Variants in NDUFAF5 observed in about 807,000 individuals in gnomAD.
NDUFAF5 encodes the protein NADH:ubiquinone oxidoreductase complex assembly factor 5, also known as arginine-hydroxylase NDUFAF5, mitochondrial.
A neutral mutation model predicts 48.9 loss-of-function variants in NDUFAF5; 34 were observed. That is an observed-to-expected ratio of 0.70 (90% confidence interval 0.53 to 0.93). The LOEUF is 0.93. Among genes scored for constraint, NDUFAF5 ranks in the 40% least tolerant of loss-of-function variants. The probability of loss-of-function intolerance (pLI) is 0.00; values close to 1 mark genes in which losing one functional copy is unlikely to be tolerated. For missense variants in NDUFAF5, 428 were observed against 427.5 expected (o/e 1.00, Z -0.01); for synonymous variants, 153 against 150.6 (o/e 1.02, Z -0.12).
At chr20:13,793,061 CAGA>C (rs1156353276) in intron 3 of NDUFAF5, 116 bp from the exon 4 acceptor site, 1 of 1,070,254 alleles carries the variant, frequency 9.3e-7, no homozygotes, top group African/African-American at 1.6e-5. Context: ...TGGTTTTATG[CAGA>C]AATATACCTT....
intron 3 of NDUFAF5, among the ~76,000 whole-genome samples, chr20:13,791,219 C>A (rs1982227127): frequency 6.6e-6 from 1 of 152,130 alleles, no homozygotes; most frequent in Non-Finnish European, 1.5e-5. Flanking sequence ...AAATGTGGAA[C>A]TGGAATTGGG....
chr20:13,805,117 G>A (rs142427060), intron 7 of NDUFAF5, among the ~76,000 whole-genome samples: 100 of 152,192 alleles, frequency 6.6e-4, no homozygotes, highest in African/African-American at 2.1e-3. Flanking sequence ...AAGAATCTCC[G>A]GGAATGTAAA....
rs748025940 is a variant in NDUFAF5, at chr20:13,785,294, A to T, written c.222+4A>T. 13 of 1,458,424 alleles carry T rather than the reference A, an allele frequency of 8.9e-6. No individual in the cohort carries two copies. The Admixed American group carries it at 2.3e-4, about 25-fold the overall frequency. The allele number at this position is 1,458,424 out of a possible 1,614,324, so 90.3% of individuals were successfully genotyped here. A position where few individuals can be genotyped will look rare whatever the true frequency, so the allele number is the denominator to read the frequency against. On this transcript the variant is annotated splice_donor_region_variant and intron_variant, in intron 1 of 10. Coordinates refer to ENST00000378106, the MANE Select transcript of NDUFAF5 (RefSeq NM_024120.5). ...ATTTGACTACCTGAAGGAGGAGGTG[A>T]GCCCGCGGGGCGGCGGGGCGGCGGG...
chr20:13,803,868 C>T (rs1271808683), intron 7 of NDUFAF5, among the ~76,000 whole-genome samples: 1 of 152,088 alleles, frequency 6.6e-6, no homozygotes, highest in Non-Finnish European at 1.5e-5. Context: ...CCACCACAAT[C>T]TCTCCCTCCC....
At chr20:13,812,522 T>A (rs1287208267) in intron 8 of NDUFAF5, among the ~76,000 whole-genome samples, 1 of 152,204 alleles carries the variant, frequency 6.6e-6, no homozygotes, top group Non-Finnish European at 1.5e-5. Context: ...GTGTTCATGA[T>A]TCATTTCAAG....
At chr20:13,795,016 G>A in intron 5 of NDUFAF5, 75 bp downstream of exon 5, 1 of 1,031,986 alleles carries the variant, frequency 9.7e-7, no homozygotes, top group Non-Finnish European at 1.5e-6. Context: ...TATGAGGCCA[G>A]GAGCGGTGGC....
intron 4 of NDUFAF5, among the ~76,000 whole-genome samples, chr20:13,793,933 G>A (rs1600334581): frequency 6.6e-6 from 1 of 152,172 alleles, no homozygotes; most frequent in Admixed American, 6.5e-5. Flanking sequence ...TTTGACTATT[G>A]GTATTTCTTG....
chr20:13,787,196 T>C lies in NDUFAF5; in HGVS notation c.223-116T>C, dbSNP rs116496600. On this transcript the variant is annotated intron_variant, in intron 1 of 10. Transcript: ENST00000378106. ...TGAGAAGAAAGTTCCTGTGGTGAAATTGAAAAGGGGATAAAGGGAAGTACT... is the reference window on the plus strand; with the variant it reads ...TGAGAAGAAAGTTCCTGTGGTGAAACTGAAAAGGGGATAAAGGGAAGTACT... The C allele has an allele frequency of 3.6e-3, 4,251 of 1,170,278 alleles. 111 individuals carry two copies. The African/African-American group carries it at 0.054, about 15-fold the overall frequency. The allele number at this position is 1,170,278 out of a possible 1,614,324, so 72.5% of individuals were successfully genotyped here.
chr20:13,787,710 T>A (rs1981439563), intron 2 of NDUFAF5, among the ~76,000 whole-genome samples: 1 of 152,216 alleles, frequency 6.6e-6, no homozygotes, highest in South Asian at 2.1e-4. Context: ...ATATTGCCTG[T>A]GTTCATCATC....
intron 4 of NDUFAF5, among the ~76,000 whole-genome samples, chr20:13,794,409 A>G (rs1982843970): frequency 6.6e-6 from 1 of 152,038 alleles, no homozygotes; most frequent in African/African-American, 2.4e-5. Flanking sequence ...CCTCCCGAGT[A>G]GCTGAGATTA....
chr20:13,801,752 T>G lies in NDUFAF5; in HGVS notation c.717+69T>G, dbSNP rs950877686. ...AAAGAACTTCTTATCATTTTAAAGA[T>G]AGAAAACTGTATGTGTTCATGGTTT... On this transcript the variant is annotated intron_variant, in intron 7 of 10. Transcript: ENST00000378106. 5 of 1,380,186 alleles carry G rather than the reference T, an allele frequency of 3.6e-6. No individual in the cohort carries two copies. The African/African-American group carries it at 7.1e-5, about 20-fold the overall frequency. 85.5% of individuals were successfully genotyped at this position (1,380,186 alleles called of 1,614,324 possible). A position where few individuals can be genotyped will look rare whatever the true frequency, so the allele number is the denominator to read the frequency against.
intron 1 of NDUFAF5, 24 bp from the exon 2 acceptor site, chr20:13,787,288 C>T (rs757013693): frequency 1.2e-6 from 2 of 1,613,630 alleles, no homozygotes; most frequent in South Asian, 2.2e-5. Context: ...TCCCCGTTAA[C>T]CTACGCCTCG....
At chr20:13,789,122 C>G (rs1225414445) in intron 3 of NDUFAF5, among the ~76,000 whole-genome samples, 1 of 152,174 alleles carries the variant, frequency 6.6e-6, no homozygotes, top group Non-Finnish European at 1.5e-5. Flanking sequence ...ATTCTTTTAG[C>G]TCCTATCTAT....
chr20:13,814,307 T>A, intron 8 of NDUFAF5: 1 of 478,560 alleles, frequency 2.1e-6, no homozygotes. Flanking sequence ...TTCTGCTGAC[T>A]AGAAGATCAT....
At position 13,785,274 on chromosome 20, in the gene NDUFAF5, A is replaced by G. The variant is rs750737800; in HGVS notation, c.206A>G (p.Asp69Gly). 2 of 1,592,456 alleles carry G rather than the reference A, an allele frequency of 1.3e-6. No homozygotes were observed. Among genetic ancestry groups the G allele is most frequent in the East Asian group, 4.5e-5 (2 of 44,672 alleles). ...AARQPEPTKF[D>G]YLKEEVGSRI... Reference sequence around the variant, plus strand: ...CGGCAGCCCGAGCCGACCAAATTTGACTACCTGAAGGAGGAGGTGAGCCCG... The same window carrying G: ...CGGCAGCCCGAGCCGACCAAATTTGGCTACCTGAAGGAGGAGGTGAGCCCG... The change falls in exon 1 of 11, where the codon GAC (aspartate) becomes GGC (glycine). Residue 69 changes from aspartate (D) to glycine (G), a missense_variant. Asp to Gly is a moderately conservative substitution (Grantham distance 94, BLOSUM62 -1). Coordinates refer to ENST00000378106, the MANE Select transcript of NDUFAF5 (RefSeq NM_024120.5).
At chr20:13,796,877 G>T (rs12481366) in intron 5 of NDUFAF5, among the ~76,000 whole-genome samples, 4,430 of 152,264 alleles carry the variant, frequency 0.029, 140 homozygotes, top group South Asian at 0.17. Context: ...TGCTCGAGAG[G>T]CTGAGGCATG....
Position 13,816,264 on chromosome 20 carries a change from G to C in NDUFAF5, c.779-199G>C, listed in dbSNP as rs1435160603. 16 of 628,326 alleles carry C rather than the reference G, an allele frequency of 2.5e-5. No homozygotes were observed. The Admixed American group carries it at 3.7e-4, about 15-fold the overall frequency. 38.9% of individuals were successfully genotyped at this position (628,326 alleles called of 1,614,324 possible). On this transcript the variant is annotated intron_variant, in intron 8 of 10. Coordinates refer to ENST00000378106, the MANE Select transcript of NDUFAF5 (RefSeq NM_024120.5). ...AATTTCACTTGCCTGTCTTAATGTT[G>C]AAAAAGTTTCAAGTAGTTTCGCTTT...
Position 13,798,636 on chromosome 20 carries a change from G to T in NDUFAF5, c.519+136G>T. On this transcript the variant is annotated intron_variant, in intron 6 of 10. Transcript: ENST00000378106. ...AAAGAAATCGGTGAAATCATCTGGTGCCATTTGGCATATTAGTAGTACATT... is the reference window on the plus strand; with the variant it reads ...AAAGAAATCGGTGAAATCATCTGGTTCCATTTGGCATATTAGTAGTACATT... 5 of 742,376 alleles carry T rather than the reference G, an allele frequency of 6.7e-6. 1 individual carries two copies. The highest frequency in any genetic ancestry group is 3.0e-5 in the South Asian group (2 of 67,122). 46.0% of individuals were successfully genotyped at this position (742,376 alleles called of 1,614,324 possible). A position where few individuals can be genotyped will look rare whatever the true frequency, so the allele number is the denominator to read the frequency against.
At position 13,818,952 on chromosome 20, in the gene NDUFAF5, A is replaced by T. The variant is rs1347606388; in HGVS notation, c.*1742A>T. On this transcript the variant is annotated 3_prime_UTR_variant, in exon 11 of 11. Transcript: ENST00000378106. Reference sequence around the variant, plus strand: ...CAAGAATATTACTTTTGCTTATTTAATGTCAACGGAATTATATGTGGATGG... The same window carrying T: ...CAAGAATATTACTTTTGCTTATTTATTGTCAACGGAATTATATGTGGATGG... The T allele has an allele frequency of 1.4e-4, 21 of 152,192 alleles. No individual in the cohort carries two copies. The highest frequency in any genetic ancestry group is 4.4e-5 in the Non-Finnish European group (3 of 68,052). The allele number at this position is 152,192 out of a possible 1,614,324, so 9.4% of individuals were successfully genotyped here. A position where few individuals can be genotyped will look rare whatever the true frequency, so the allele number is the denominator to read the frequency against.
Sources: gnomAD v4.1 joint callset for allele counts (sites outside exome capture counted in the v4.1 genomes callset) on GRCh38, gnomAD v4.1.1 for gene constraint, MANE v1.5 for transcripts, NCBI Gene and HGNC (gene_info 2026-07-23, HGNC 2026-07-21) for gene names.